The following RALGPS1 variants were observed in gnomAD, a reference collection of about 807,000 sequenced individuals.
RALGPS1 encodes the protein Ral GEF with PH domain and SH3 binding motif 1.
RALGPS1 carries 19 observed loss-of-function variants against 78.8 expected under a neutral mutation model. The observed-to-expected ratio is 0.24, with a 90% CI of 0.17 to 0.35. The LOEUF is 0.35. Ranked by LOEUF, RALGPS1 falls within the 10% of genes least tolerant of loss-of-function variation. The pLI is 1.00. For synonymous variants in RALGPS1, 228 were observed against 256.3 expected, an observed-to-expected ratio of 0.89 and a Z score of 1.06; for missense variants, 454 against 688.3, an observed-to-expected ratio of 0.66 and a Z score of 3.81.
chr9:127,196,777 C>A, intron 13 of RALGPS1, 146 bp downstream of exon 13: 2 of 973,922 alleles, frequency 2.1e-6, no homozygotes, highest in Non-Finnish European at 2.9e-6. Flanking sequence ...GCAGAGGTGG[C>A]TGCCTGCAGG....
At chr9:127,002,176 G>T (rs576972060) in intron 4 of RALGPS1, among the ~76,000 whole-genome samples, 58 of 152,198 alleles carry the variant, frequency 3.8e-4, no homozygotes, top group African/African-American at 1.4e-3. Context: ...ATCACCATAG[G>T]TAGTTTTGTC....
chr9:127,076,175 T>G (rs2050664524), intron 8 of RALGPS1, among the ~76,000 whole-genome samples: 1 of 152,256 alleles, frequency 6.6e-6, no homozygotes, highest in Non-Finnish European at 1.5e-5. Context: ...CCGGTTAGAT[T>G]GGAATGATAA....
intron 8 of RALGPS1, among the ~76,000 whole-genome samples, chr9:127,160,720 C>T (rs1333935437): frequency 6.6e-6 from 1 of 152,214 alleles, no homozygotes; most frequent in Non-Finnish European, 1.5e-5. Flanking sequence ...AGCCCCCAGC[C>T]TCCAGCCCCT....
intron 4 of RALGPS1, among the ~76,000 whole-genome samples, chr9:127,012,278 TATAG>T (rs1407718041): frequency 6.6e-6 from 1 of 152,174 alleles, no homozygotes; most frequent in Non-Finnish European, 1.5e-5. Context: ...CCTTTTGAAT[TATAG>T]ATAAACTTTT....
At chr9:127,216,789 A>C (rs2062606015) in intron 18 of RALGPS1, 1 of 939,266 alleles carries the variant, frequency 1.1e-6, no homozygotes, top group South Asian at 4.0e-5. Flanking sequence ...TTAAGAGAGG[A>C]AGAGCATCCT....
At chr9:127,180,999 C>T (rs1485721460) in intron 11 of RALGPS1, among the ~76,000 whole-genome samples, 3 of 152,362 alleles carry the variant, frequency 2.0e-5, no homozygotes, top group Non-Finnish European at 4.4e-5. Flanking sequence ...AGCTGGCTTT[C>T]ACCCAGAGCA....
chr9:127,043,084 G>C (rs1316024452), intron 5 of RALGPS1, among the ~76,000 whole-genome samples: 1 of 152,182 alleles, frequency 6.6e-6, no homozygotes, highest in South Asian at 2.1e-4. Context: ...CTGTTAAGAT[G>C]TCAGTTCTTC....
chr9:127,111,799 G>T (rs1468033309), intron 8 of RALGPS1, among the ~76,000 whole-genome samples: 1 of 152,232 alleles, frequency 6.6e-6, no homozygotes, highest in Non-Finnish European at 1.5e-5. Flanking sequence ...CAGAAAGCTA[G>T]AAGGTGGCAG....
chr9:126,982,579 TTGC>T (rs1245914118), intron 4 of RALGPS1, among the ~76,000 whole-genome samples: 1 of 152,114 alleles, frequency 6.6e-6, no homozygotes, highest in Non-Finnish European at 1.5e-5. Context: ...TATTCAGAGT[TTGC>T]TGCTATTATT....
chr9:127,009,022 A>C (rs888985783), intron 4 of RALGPS1, among the ~76,000 whole-genome samples: 1 of 152,204 alleles, frequency 6.6e-6, no homozygotes, highest in African/African-American at 2.4e-5. Context: ...AATCCACGCA[A>C]GATCCTAGAG....
intron 1 of RALGPS1, among the ~76,000 whole-genome samples, chr9:126,948,864 G>A (rs1331397598): frequency 1.3e-5 from 2 of 151,162 alleles, no homozygotes; most frequent in Non-Finnish European, 2.9e-5. Flanking sequence ...TGTGCACAAT[G>A]TGCAGGTTAG....
intron 3 of RALGPS1, among the ~76,000 whole-genome samples, chr9:126,971,246 A>G (rs1221316768): frequency 6.6e-6 from 1 of 152,116 alleles, no homozygotes; most frequent in Non-Finnish European, 1.5e-5. Context: ...AAATAATTAA[A>G]ACTAAAATTT....
In RALGPS1 at chr9:127,077,953, A is replaced by G. The variant is rs536660473; in HGVS notation, c.610+8597A>G. ...ATTCTGGTCTGCCTGCCCATGGAGC[A>G]ATAGACCTTGTTCCTTTTTCTATTC... On this transcript the variant is annotated intron_variant, in intron 8 of 18. Transcript: ENST00000259351. Among the ~76,000 whole-genome samples the G allele has an allele frequency of 1.1e-4, 16 of 152,290 alleles. No homozygotes were observed. In the South Asian group the frequency reaches 2.7e-3, roughly 26 times the overall value.
chr9:127,210,493 G>C (rs931749357), intron 14 of RALGPS1: 23 of 588,244 alleles, frequency 3.9e-5, no homozygotes, highest in Non-Finnish European at 5.5e-5. Context: ...GAGACTCTGA[G>C]GGGTGCTGTG....
chr9:127,134,787 T>C (rs918885317), intron 8 of RALGPS1, among the ~76,000 whole-genome samples: 1 of 152,218 alleles, frequency 6.6e-6, no homozygotes, highest in Non-Finnish European at 1.5e-5. Flanking sequence ...CCTTTATTTT[T>C]AAAAACTCAT....
chr9:126,953,584 T>G (rs2038068446), intron 1 of RALGPS1, among the ~76,000 whole-genome samples: 1 of 152,206 alleles, frequency 6.6e-6, no homozygotes, highest in South Asian at 2.1e-4. Context: ...GTTTAATTTA[T>G]CTCTCTGAGC....
intron 8 of RALGPS1, among the ~76,000 whole-genome samples, chr9:127,072,496 C>T (rs1260605702): frequency 6.6e-6 from 1 of 152,154 alleles, no homozygotes; most frequent in East Asian, 1.9e-4. Flanking sequence ...ATTTGATAAA[C>T]ATTTGAATTG....
At chr9:127,097,085 CTAA>C (rs944511753) in intron 8 of RALGPS1, among the ~76,000 whole-genome samples, 4 of 152,166 alleles carry the variant, frequency 2.6e-5, no homozygotes, top group Non-Finnish European at 5.9e-5. Context: ...GTCCTTAGAA[CTAA>C]TGTTAATCTT....
At chr9:127,129,348 T>A (rs1445606541) in intron 8 of RALGPS1, among the ~76,000 whole-genome samples, 3 of 152,172 alleles carry the variant, frequency 2.0e-5, no homozygotes, top group East Asian at 1.9e-4. Flanking sequence ...ATAAATTTTT[T>A]AAAAATATTG....
Sources: gnomAD v4.1 joint callset for allele counts (sites outside exome capture counted in the v4.1 genomes callset) on GRCh38, gnomAD v4.1.1 for gene constraint, MANE v1.5 for transcripts, NCBI Gene and HGNC (gene_info 2026-07-23, HGNC 2026-07-21) for gene names.